Variants in NCALD observed in about 807,000 individuals in gnomAD.
NCALD encodes neurocalcin-delta.
A neutral mutation model predicts 18.6 loss-of-function variants in NCALD; 10 were observed. The observed-to-expected ratio is 0.54, with a 90% CI of 0.33 to 0.91. The LOEUF is 0.91. Among genes scored for constraint, NCALD ranks in the 40% least tolerant of loss-of-function variants. The pLI is 0.03. For synonymous variants in NCALD, 88 were observed against 87.4 expected, an observed-to-expected ratio of 1.01 and a Z score of -0.04; for missense variants, 184 against 247.6, an observed-to-expected ratio of 0.74 and a Z score of 1.72.
At chr8:102,104,379 T>C (rs1337906248) in intron 1 of NCALD, among the ~76,000 whole-genome samples, 1 of 152,078 alleles carries the variant, frequency 6.6e-6, no homozygotes, top group African/African-American at 2.4e-5. Context: ...GCCCTTCAAG[T>C]CTTATCCTTC....
intron 2 of NCALD, among the ~76,000 whole-genome samples, chr8:101,933,710 TC>T (rs1244884145): frequency 6.6e-6 from 1 of 152,112 alleles, no homozygotes; most frequent in Non-Finnish European, 1.5e-5. Context: ...CCAGTCCTCA[TC>T]GATCCTAAAG....
intron 2 of NCALD, among the ~76,000 whole-genome samples, chr8:101,704,953 C>T (rs1260072406): frequency 2.6e-5 from 4 of 151,648 alleles, no homozygotes; most frequent in Admixed American, 6.6e-5. Flanking sequence ...AGGCCGGGCG[C>T]GGTGGCTCAT....
chr8:101,841,011 A>T (rs1290187926), intron 4 of NCALD, among the ~76,000 whole-genome samples: 1 of 152,230 alleles, frequency 6.6e-6, no homozygotes, highest in African/African-American at 2.4e-5. Flanking sequence ...GAGCTAGTGA[A>T]ATCTAGTGAA....
At chr8:102,103,319 C>A (rs774864866) in intron 1 of NCALD, among the ~76,000 whole-genome samples, 1 of 152,132 alleles carries the variant, frequency 6.6e-6, no homozygotes, top group Non-Finnish European at 1.5e-5. Flanking sequence ...AGGATGGGCA[C>A]AGTTCTAATA....
intron 4 of NCALD, among the ~76,000 whole-genome samples, chr8:101,810,923 A>G (rs1328171228): frequency 6.6e-6 from 1 of 152,250 alleles, no homozygotes; most frequent in African/African-American, 2.4e-5. Context: ...GGACATTTAA[A>G]GCATAACTAT....
At chr8:102,078,482 A>G (rs1043541494) in intron 1 of NCALD, among the ~76,000 whole-genome samples, 2 of 152,228 alleles carry the variant, frequency 1.3e-5, no homozygotes, top group Admixed American at 6.5e-5. Context: ...AAAAAGTCCA[A>G]ATGTCTAACC....
intron 4 of NCALD, among the ~76,000 whole-genome samples, chr8:101,800,812 G>A (rs1483113726): frequency 7.1e-6 from 1 of 140,746 alleles, no homozygotes; most frequent in Non-Finnish European, 1.5e-5. Context: ...AGGCAGCAGT[G>A]AGCTATGGTT....
intron 3 of NCALD, among the ~76,000 whole-genome samples, chr8:101,907,118 T>C (rs1314129895): frequency 6.6e-6 from 1 of 152,222 alleles, no homozygotes; most frequent in Non-Finnish European, 1.5e-5. Context: ...TTGAAAAACA[T>C]TGCGCTAAGT....
chr8:102,081,545 TAAAAAAAAAAAAAAAAAA>T (rs770307937), intron 1 of NCALD, among the ~76,000 whole-genome samples: 6 of 68,704 alleles, frequency 8.7e-5, no homozygotes, highest in Non-Finnish European at 1.5e-4. Context: ...CAAATAATGG[TAAAAAAAAAAAAAAAAAA>T]AAAAAAAAAA....
chr8:101,918,691 A>C (rs112826799), intron 2 of NCALD, among the ~76,000 whole-genome samples: 4,123 of 151,838 alleles, frequency 0.027, 207 homozygotes, highest in African/African-American at 0.094. Context: ...ATACACTAAC[A>C]ATGTTCAAGC....
At chr8:102,054,663 TAGATA>T (rs1823573708) in intron 1 of NCALD, among the ~76,000 whole-genome samples, 5 of 14,010 alleles carry the variant, frequency 3.6e-4, no homozygotes, top group Middle Eastern at 0.025. Flanking sequence ...TCTCTTCCGA[TAGATA>T]GATAGATAGA....
intron 2 of NCALD, among the ~76,000 whole-genome samples, chr8:101,946,672 C>T (rs561546368): frequency 6.6e-6 from 1 of 151,782 alleles, no homozygotes; most frequent in Non-Finnish European, 1.5e-5. Context: ...ATGATGAAAT[C>T]GTTCACACTT....
chr8:101,987,543 G>C (rs935908181), intron 2 of NCALD, among the ~76,000 whole-genome samples: 1 of 152,136 alleles, frequency 6.6e-6, no homozygotes, highest in Non-Finnish European at 1.5e-5. Context: ...AGTGATAAAA[G>C]CCAATGCATG....
At chr8:102,049,862 T>C (rs768602390) in intron 1 of NCALD, among the ~76,000 whole-genome samples, 1 of 152,144 alleles carries the variant, frequency 6.6e-6, no homozygotes, top group Non-Finnish European at 1.5e-5. Context: ...GCCCATTTTT[T>C]AAAAATTGAG....
At chr8:101,898,670 T>C (rs73280878) in intron 3 of NCALD, among the ~76,000 whole-genome samples, 10,279 of 152,150 alleles carry the variant, frequency 0.068, 720 homozygotes, top group African/African-American at 0.18. Flanking sequence ...GTATGATCTA[T>C]TTTGAGTTGC....
chr8:101,726,120 G>A (rs753438730), intron 1 of NCALD, among the ~76,000 whole-genome samples: 1 of 152,178 alleles, frequency 6.6e-6, no homozygotes, highest in African/African-American at 2.4e-5. Flanking sequence ...GGCTGGAGTG[G>A]AGGGCATGAG....
At chr8:102,039,325 A>C (rs1410086035) in intron 1 of NCALD, among the ~76,000 whole-genome samples, 1 of 152,122 alleles carries the variant, frequency 6.6e-6, no homozygotes, top group Non-Finnish European at 1.5e-5. Context: ...TATAATGATG[A>C]TTGTTAGAAT....
chr8:101,693,040 T>C, intron 2 of NCALD, 144 bp from the exon 3 acceptor site: 1 of 585,736 alleles, frequency 1.7e-6, no homozygotes, highest in South Asian at 2.0e-5. Flanking sequence ...TGGTATAAGA[T>C]GTGGAGGCAC....
In NCALD at chr8:101,690,724, C is replaced by G. The variant is rs1814687749; in HGVS notation, c.485-1318G>C. The G allele has an allele frequency of 9.1e-6, 9 of 985,324 alleles. 1 individual carries two copies. Among genetic ancestry groups the G allele is most frequent in the Middle Eastern group, 5.2e-4 (1 of 1,936 alleles). The allele number at this position is 985,324 out of a possible 1,614,324, so 61.0% of individuals were successfully genotyped here. On this transcript the variant is annotated intron_variant, in intron 3 of 3. Transcript: ENST00000220931. The stretch of plus-strand genomic sequence containing the variant: ...ATTAATTTATTTTTAATTTGTAGAG[C>G]TGATCCCCTCCAAGCTCTGTGTGCT...
Sources: gnomAD v4.1 joint callset for allele counts (sites outside exome capture counted in the v4.1 genomes callset) on GRCh38, gnomAD v4.1.1 for gene constraint, MANE v1.5 for transcripts, NCBI Gene and HGNC (gene_info 2026-07-23, HGNC 2026-07-21) for gene names.